PAFAH2: variants seen among roughly 807,000 people sequenced by gnomAD.
PAFAH2 encodes platelet activating factor acetylhydrolase 2.
A neutral mutation model predicts 49.0 loss-of-function variants in PAFAH2; 42 were observed. The ratio of observed to expected loss-of-function variants is 0.86; its 90% CI spans 0.67 to 1.11. The LOEUF is 1.11. PAFAH2 is among the 50% of genes least tolerant of loss of function. The pLI, the probability that PAFAH2 is intolerant of heterozygous loss-of-function variation, is 0.00. For synonymous variants in PAFAH2, 184 were observed against 181.3 expected, an observed-to-expected ratio of 1.01 and a Z score of -0.12; for missense variants, 503 against 501.8, an observed-to-expected ratio of 1.00 and a Z score of -0.02.
intron 1 of PAFAH2, among the ~76,000 whole-genome samples, chr1:25,996,531 A>G (rs6657145): frequency 0.011 from 1,600 of 152,276 alleles, 19 homozygotes; most frequent in African/African-American, 0.037. Context: ...AGTCCCAGCT[A>G]CTTGGGAGGC....
At chr1:25,974,944 A>G (rs1190364767) in intron 8 of PAFAH2, among the ~76,000 whole-genome samples, 9 of 90,886 alleles carry the variant, frequency 9.9e-5, no homozygotes. Flanking sequence ...CACTTCATTC[A>G]TTTAATTATT....
intron 6 of PAFAH2, 50 bp downstream of exon 6, chr1:25,983,896 G>C (rs775289408): frequency 2.6e-5 from 42 of 1,593,470 alleles, no homozygotes; most frequent in Non-Finnish European, 3.3e-5. Context: ...AAATATAGTA[G>C]GGAGAGAACA....
intron 7 of PAFAH2, 94 bp from the exon 8 acceptor site, chr1:25,976,867 A>G (rs2049597830): frequency 1.1e-6 from 1 of 896,326 alleles, no homozygotes; most frequent in South Asian, 1.5e-5. Flanking sequence ...TGAGGCAATG[A>G]GGCCAAAGGC....
chr1:25,963,890 C>G (rs1049033435), intron 10 of PAFAH2, among the ~76,000 whole-genome samples: 2 of 152,056 alleles, frequency 1.3e-5, no homozygotes, highest in Non-Finnish European at 2.9e-5. Context: ...GAGTGTGCCA[C>G]GAGACTATCT....
chr1:25,978,327 T>A (rs1020557016), intron 7 of PAFAH2, among the ~76,000 whole-genome samples: 1 of 152,352 alleles, frequency 6.6e-6, no homozygotes. Context: ...AGGTAACAGT[T>A]TCTTATGTGC....
intron 1 of PAFAH2, among the ~76,000 whole-genome samples, chr1:25,995,199 C>T (rs1034451788): frequency 3.3e-5 from 5 of 152,306 alleles, no homozygotes; most frequent in Admixed American, 3.3e-4. Context: ...GAAGCTTTCC[C>T]AGGTCCTTCC....
In PAFAH2 at chr1:25,975,879, G is replaced by A. The variant is rs116343789; in HGVS notation, c.758+803C>T. Among the ~76,000 whole-genome samples the A allele has an allele frequency of 8.4e-3, 1,279 of 152,110 alleles. 7 individuals are homozygous for A. Among genetic ancestry groups the A allele is most frequent in the South Asian group, 0.025 (118 of 4,810 alleles). On this transcript the variant is annotated intron_variant, in intron 8 of 10. Transcript: ENST00000374282. The stretch of plus-strand genomic sequence containing the variant: ...AATCTTCAACAGTTTCCCATCATAC[G>A]TAGAATAAAATATACACCTCCTTAC...
intron 1 of PAFAH2, among the ~76,000 whole-genome samples, chr1:25,991,366 G>A (rs541890541): frequency 3.3e-5 from 5 of 151,924 alleles, no homozygotes; most frequent in South Asian, 2.1e-4. Flanking sequence ...TGCAACCTCC[G>A]ACTCCCTGGT....
At chr1:25,982,293 T>G in intron 7 of PAFAH2, 71 bp downstream of exon 7, 1 of 1,099,758 alleles carries the variant, frequency 9.1e-7, no homozygotes. Flanking sequence ...ACCAGTTAGT[T>G]AGGTTTCTGT....
intron 4 of PAFAH2, 71 bp from the exon 5 acceptor site, chr1:25,984,599 T>C (rs1015338905): frequency 1.6e-6 from 2 of 1,212,360 alleles, no homozygotes; most frequent in African/African-American, 1.5e-5. Flanking sequence ...ATTCCAACAA[T>C]GCTCTGCTAG....
intron 10 of PAFAH2, among the ~76,000 whole-genome samples, chr1:25,963,570 C>T (rs2049373684): frequency 6.6e-6 from 1 of 152,164 alleles, no homozygotes; most frequent in Non-Finnish European, 1.5e-5. Context: ...AGTGGTCAAT[C>T]TCGGCTCAAC....
intron 2 of PAFAH2, 144 bp from the exon 3 acceptor site, chr1:25,989,745 T>C: frequency 1.8e-6 from 1 of 551,218 alleles, no homozygotes; most frequent in Non-Finnish European, 3.0e-6. Flanking sequence ...TGCCTGAATT[T>C]CACATTCAGA....
Position 25,989,544 on chromosome 1 carries a change from G to C in PAFAH2, c.148C>G (p.Pro50Ala), listed in dbSNP as rs1225492359. The C allele has an allele frequency of 6.2e-7, 1 of 1,612,594 alleles. No individual in the cohort carries two copies. The highest frequency in any genetic ancestry group is 8.5e-7 in the Non-Finnish European group (1 of 1,179,268). ...CQKAEETMEQ[P>A]LWIPRYEYCT... ...TACTCATAGCGGGGAATCCACAGGG[G>C]CTGCTCCATGGTCTCCTCTGCCTTT... The change falls in exon 3 of 11, where the codon CCC (proline) becomes GCC (alanine). Residue 50 changes from proline (P) to alanine (A), a missense_variant. Coordinates refer to ENST00000374282, the MANE Select transcript of PAFAH2 (RefSeq NM_000437.4).
chr1:25,982,380 T>TCCAAG lies in PAFAH2; in HGVS notation c.645_649dup (p.Asp217AlafsTer4), dbSNP rs756503332. 1 of 1,613,780 alleles carries TCCAAG rather than the reference T, an allele frequency of 6.2e-7. No individual in the cohort carries two copies. Among genetic ancestry groups the TCCAAG allele is most frequent in the South Asian group, 1.1e-5 (1 of 91,072 alleles). On this transcript the variant is annotated frameshift_variant, in exon 7 of 11. Coordinates refer to ENST00000374282, the MANE Select transcript of PAFAH2 (RefSeq NM_000437.4). LOFTEE classifies it high-confidence loss of function. ...CTTCCATACCTTCAAAGTCATCAGATCCAAGCCACCAGGCAAGATGTTGAA... is the reference window on the plus strand; with the variant it reads ...CTTCCATACCTTCAAAGTCATCAGATCCAAGCCAAGCCACCAGGCAAGATGTTGAA...
At chr1:25,972,413 T>C in intron 10 of PAFAH2, 145 bp downstream of exon 10, 2 of 911,038 alleles carry the variant, frequency 2.2e-6, no homozygotes, top group Middle Eastern at 3.5e-4. Context: ...TTTTCTGTAA[T>C]TCTATGTAAG....
In PAFAH2 at chr1:25,977,108, C is replaced by T. The variant is rs554002488; in HGVS notation, c.667-335G>A. On this transcript the variant is annotated intron_variant, in intron 7 of 10. Coordinates refer to ENST00000374282, the MANE Select transcript of PAFAH2 (RefSeq NM_000437.4). The stretch of plus-strand genomic sequence containing the variant: ...CGCGATCTCGGCTCACTGCAAGCTC[C>T]GCCTCCCGGGTTCACGCCATTCTCC... 1.4e-3 allele frequency among the ~76,000 whole-genome samples: 215 copies of T among 148,516 alleles called. 1 individual carries two copies. The highest frequency in any genetic ancestry group is 2.8e-3 in the South Asian group (13 of 4,628).
chr1:25,972,361 G>T (rs997125739), intron 10 of PAFAH2, among the ~76,000 whole-genome samples, 197 bp downstream of exon 10: 11 of 151,710 alleles, frequency 7.3e-5, no homozygotes, highest in African/African-American at 2.7e-4. Context: ...ACCCACCAAA[G>T]TGCTAGGATT....
At chr1:25,981,818 C>T (rs1477359329) in intron 7 of PAFAH2, among the ~76,000 whole-genome samples, 7 of 152,108 alleles carry the variant, frequency 4.6e-5, no homozygotes, top group East Asian at 1.9e-4. Context: ...ATCAGGAGTT[C>T]GAGACCAGCC....
chr1:25,982,503 A>G, intron 6 of PAFAH2, 26 bp from the exon 7 acceptor site: 1 of 1,520,402 alleles, frequency 6.6e-7, no homozygotes, highest in Non-Finnish European at 9.1e-7. Flanking sequence ...TCCCAGTGGG[A>G]CTGGAACACT....
Sources: allele counts gnomAD v4.1 joint callset (sites outside exome capture counted in the v4.1 genomes callset), GRCh38; gene constraint gnomAD v4.1.1; transcripts MANE v1.5; gene names NCBI Gene and HGNC (gene_info 2026-07-23, HGNC 2026-07-21).